ACSF3: variants seen among roughly 807,000 people sequenced by gnomAD.
The protein encoded by ACSF3 is malonate--CoA ligase ACSF3, mitochondrial.
A neutral mutation model predicts 53.2 loss-of-function variants in ACSF3; 78 were observed. The ratio of observed to expected loss-of-function variants is 1.47; its 90% CI spans 1.22 to 1.77. The LOEUF (loss-of-function observed/expected upper bound fraction) is 1.77, where lower values mean the gene tolerates loss of function less well. Ranked by LOEUF, ACSF3 falls within the 40% of genes most tolerant of loss-of-function variation. The pLI is 0.00. For missense variants in ACSF3, 937 were observed against 771.1 expected, an observed-to-expected ratio of 1.22 and a Z score of -2.55; for synonymous variants, 414 against 333.1, an observed-to-expected ratio of 1.24 and a Z score of -2.65.
chr16:89,135,835 C>T (rs1048399005), intron 8 of ACSF3, among the ~76,000 whole-genome samples: 4 of 152,270 alleles, frequency 2.6e-5, no homozygotes, highest in Non-Finnish European at 5.9e-5. Flanking sequence ...AGTGCAGTGG[C>T]ACGATCTCAG....
chr16:89,155,880 G>A lies in ACSF3; in HGVS notation c.*1673G>A. On this transcript the variant is annotated 3_prime_UTR_variant, in exon 11 of 11. Coordinates refer to ENST00000614302, the MANE Select transcript of ACSF3 (RefSeq NM_001243279.3). ...GTATATCATGCTTTCGAAATAATGA[G>A]TGTAACTTTCTGCTGACAATACTAC... is the stretch of plus-strand genomic sequence containing the variant. 1 of 409,742 alleles carries A rather than the reference G, an allele frequency of 2.4e-6. No individual in the cohort carries two copies. The highest frequency in any genetic ancestry group is 2.1e-5 in the African/African-American group (1 of 48,366). The allele number at this position is 409,742 out of a possible 1,614,324, so 25.4% of individuals were successfully genotyped here.
chr16:89,133,335 G>A, intron 8 of ACSF3, 73 bp downstream of exon 8: 1 of 1,599,146 alleles, frequency 6.3e-7, no homozygotes, highest in Non-Finnish European at 8.5e-7. Flanking sequence ...CCCACGTTGA[G>A]TGACACCGAG....
intron 8 of ACSF3, among the ~76,000 whole-genome samples, chr16:89,142,743 A>G (rs1308836991): frequency 6.7e-6 from 1 of 149,672 alleles, no homozygotes; most frequent in Admixed American, 6.6e-5. Flanking sequence ...AGACACACCC[A>G]CACCTGCAGA....
Position 89,121,440 on chromosome 16 carries a change from C to T in ACSF3, c.1239+527C>T, listed in dbSNP as rs116551253. ...TCTGTGGCTGCCTCCTTGTCTTGTG[C>T]GTTATTCTAAAGCTGACAAGGGTGA... is the stretch of plus-strand genomic sequence containing the variant. On this transcript the variant is annotated intron_variant, in intron 7 of 10. Coordinates refer to ENST00000614302, the MANE Select transcript of ACSF3 (RefSeq NM_001243279.3). 4.5e-3 allele frequency among the ~76,000 whole-genome samples: 686 copies of T among 152,252 alleles called. 6 individuals are homozygous for T. Among genetic ancestry groups the T allele is most frequent in the African/African-American group, 0.015 (637 of 41,546 alleles).
Position 89,155,674 on chromosome 16 carries a change from G to A in ACSF3, c.*1467G>A, listed in dbSNP as rs568846394. ...GTCAGAGACTACAGTCCAGACGTTT[G>A]TGTCTAGGCCTTGCTGGTAGCTAAG... On this transcript the variant is annotated 3_prime_UTR_variant, in exon 11 of 11. Coordinates refer to ENST00000614302, the MANE Select transcript of ACSF3 (RefSeq NM_001243279.3). The A allele has an allele frequency of 6.4e-5, 29 of 454,150 alleles. No individual in the cohort carries two copies. Among genetic ancestry groups the A allele is most frequent in the South Asian group, 4.3e-4 (28 of 64,484 alleles). 28.1% of individuals were successfully genotyped at this position (454,150 alleles called of 1,614,324 possible).
intron 2 of ACSF3, 132 bp from the exon 3 acceptor site, chr16:89,100,530 G>C (rs1975148781): frequency 3.4e-6 from 3 of 893,930 alleles, no homozygotes; most frequent in Admixed American, 2.6e-5. Flanking sequence ...GGCCTGTCTG[G>C]TGCGCTGCCT....
intron 7 of ACSF3, among the ~76,000 whole-genome samples, chr16:89,126,333 A>G (rs776368129): frequency 9.2e-5 from 14 of 152,082 alleles, no homozygotes; most frequent in Admixed American, 2.6e-4. Context: ...TAGTGGTACG[A>G]TCTCAGCTCA....
intron 2 of ACSF3, among the ~76,000 whole-genome samples, chr16:89,099,317 T>C (rs1456746279): frequency 6.6e-6 from 1 of 152,260 alleles, no homozygotes; most frequent in African/African-American, 2.4e-5. Flanking sequence ...CTCGGTCTCC[T>C]TTCTCTGAAT....
intron 10 of ACSF3, chr16:89,151,105 T>C: frequency 8.1e-7 from 1 of 1,231,416 alleles, no homozygotes; most frequent in African/African-American, 1.5e-5. Flanking sequence ...GCCTCAGGCA[T>C]GCGGGCTCTG....
intron 8 of ACSF3, among the ~76,000 whole-genome samples, chr16:89,140,878 C>G (rs892494440): frequency 1.6e-4 from 24 of 152,286 alleles, no homozygotes; most frequent in Admixed American, 1.0e-3. Context: ...GCTCATAAAT[C>G]CAGGTAATAG....
At chr16:89,127,976 C>G (rs1456504542) in intron 7 of ACSF3, among the ~76,000 whole-genome samples, 1 of 151,944 alleles carries the variant, frequency 6.6e-6, no homozygotes, top group African/African-American at 2.4e-5. Flanking sequence ...CTTTGTTATC[C>G]TTGCTAGAAG....
Position 89,154,291 on chromosome 16 carries a change from T to C in ACSF3, c.*84T>C, listed in dbSNP as rs779698408. The stretch of plus-strand genomic sequence containing the variant: ...GAACCACGGGGGCCCGTCCAAGACC[T>C]GGCCTCCCTTAAACCTGAACCCCCC... On this transcript the variant is annotated 3_prime_UTR_variant, in exon 11 of 11. Coordinates refer to ENST00000614302, the MANE Select transcript of ACSF3 (RefSeq NM_001243279.3). 1 of 1,301,614 alleles carries C rather than the reference T, an allele frequency of 7.7e-7. No homozygotes were observed. The highest frequency in any genetic ancestry group is 1.8e-5 in the Admixed American group (1 of 56,760). 80.6% of individuals were successfully genotyped at this position (1,301,614 alleles called of 1,614,324 possible). A position where few individuals can be genotyped will look rare whatever the true frequency, so the allele number is the denominator to read the frequency against.
chr16:89,095,905 G>A lies in ACSF3; in HGVS notation c.-194+1909G>A, dbSNP rs183408418. 5.0e-3 allele frequency among the ~76,000 whole-genome samples: 768 copies of A among 152,310 alleles called. 4 individuals are homozygous for A. Among genetic ancestry groups the A allele is most frequent in the African/African-American group, 0.017 (714 of 41,566 alleles). On this transcript the variant is annotated intron_variant, in intron 1 of 10. Coordinates refer to ENST00000614302, the MANE Select transcript of ACSF3 (RefSeq NM_001243279.3). ...GACAAAGGCAGCAGCCGTTCAAGTC[G>A]AAGCCTGTGGTGACTAACTCTGCCA...
rs377217672 is a variant in ACSF3 at position 89,114,333 on chromosome 16, G to T, written c.978-6G>T. On this transcript the variant is annotated splice_region_variant and splice_polypyrimidine_tract_variant and intron_variant, in intron 5 of 10. Coordinates refer to ENST00000614302, the MANE Select transcript of ACSF3 (RefSeq NM_001243279.3). Reference sequence around the variant, plus strand: ...GGCTAAACCTGCCTTTGGTTGTGCCGCGTAGGCTGATGGTCTCAGGCTCAG... The same window carrying T: ...GGCTAAACCTGCCTTTGGTTGTGCCTCGTAGGCTGATGGTCTCAGGCTCAG... 1.1e-5 allele frequency: 17 copies of T among 1,613,796 alleles called. No homozygotes were observed. In the East Asian group the frequency reaches 2.7e-4, roughly 25 times the overall value.
chr16:89,135,462 G>A (rs1910239556), intron 8 of ACSF3, among the ~76,000 whole-genome samples: 1 of 152,268 alleles, frequency 6.6e-6, no homozygotes, highest in African/African-American at 2.4e-5. Flanking sequence ...GCCCCACGCA[G>A]CATCTCATAG....
intron 10 of ACSF3, among the ~76,000 whole-genome samples, chr16:89,147,334 A>G (rs1021241113): frequency 3.8e-4 from 8 of 21,140 alleles, no homozygotes; most frequent in Admixed American, 1.7e-3. Context: ...CAAGGGGGGG[A>G]GGGGCCACAG....
At chr16:89,115,036 C>A (rs138923969) in intron 6 of ACSF3, 26 of 231,342 alleles carry the variant, frequency 1.1e-4, no homozygotes, top group South Asian at 6.2e-4. Flanking sequence ...CTGACCCAAC[C>A]ATTTGAGCCC....
chr16:89,129,792 G>T (rs1325858856), intron 7 of ACSF3, among the ~76,000 whole-genome samples: 1 of 152,024 alleles, frequency 6.6e-6, no homozygotes, highest in Non-Finnish European at 1.5e-5. Context: ...TTTAGTAGTA[G>T]TTCCAGAAAC....
intron 3 of ACSF3, 89 bp downstream of exon 3, chr16:89,101,436 T>G (rs541563511): frequency 6.5e-7 from 1 of 1,543,364 alleles, no homozygotes; most frequent in Admixed American, 2.0e-5. Flanking sequence ...TTCATTCGCT[T>G]TTCTGTGGAG....
Sources: allele counts gnomAD v4.1 joint callset (sites outside exome capture counted in the v4.1 genomes callset), GRCh38; gene constraint gnomAD v4.1.1; transcripts MANE v1.5; gene names NCBI Gene and HGNC (gene_info 2026-07-23, HGNC 2026-07-21).